The following TBC1D20 variants were observed in gnomAD, a reference collection of about 807,000 sequenced individuals.
TBC1D20 encodes chromosome 20 open reading frame 140.
TBC1D20 carries 12 observed loss-of-function variants against 41.6 expected under a neutral mutation model. The ratio of observed to expected loss-of-function variants is 0.29; its 90% CI spans 0.18 to 0.47. The LOEUF (loss-of-function observed/expected upper bound fraction) is 0.47. Among genes scored for constraint, TBC1D20 ranks in the 20% least tolerant of loss-of-function variants. The pLI, the probability that TBC1D20 is intolerant of heterozygous loss-of-function variation, is 1.00. For synonymous variants in TBC1D20, 205 were observed against 204.8 expected (o/e 1.00, Z -0.01); for missense variants, 421 against 517.4 (o/e 0.81, Z 1.81).
intron 1 of TBC1D20, among the ~76,000 whole-genome samples, chr20:456,643 C>T (rs542809145): frequency 4.9e-4 from 75 of 152,322 alleles, no homozygotes; most frequent in African/African-American, 1.7e-3. Context: ...CAGCTCACTG[C>T]AACCTCCACC....
chr20:444,696 G>A (rs2017299358), intron 3 of TBC1D20, among the ~76,000 whole-genome samples: 1 of 152,088 alleles, frequency 6.6e-6, no homozygotes, highest in Admixed American at 6.5e-5. Flanking sequence ...AGGTACCATC[G>A]TTTTTAAACC....
chr20:441,731 A>C (rs2017234660), intron 4 of TBC1D20, 42 bp from the exon 5 acceptor site: 1 of 1,605,366 alleles, frequency 6.2e-7, no homozygotes, highest in African/African-American at 1.3e-5. Context: ...CCAAACACTT[A>C]GATCAGGGCT....
intron 3 of TBC1D20, among the ~76,000 whole-genome samples, chr20:442,292 T>A (rs571359529): frequency 2.6e-5 from 4 of 152,308 alleles, no homozygotes; most frequent in Non-Finnish European, 5.9e-5. Flanking sequence ...TGGGACACAG[T>A]ATTTAACTGC....
At position 436,797 on chromosome 20, in the gene TBC1D20, T is replaced by C. The variant is rs2122374728; in HGVS notation, c.*1789A>G. ...GAGCCATGGACAATGATCCATCCCT[T>C]TGAGCTTTTTTTGGTTTTAAAGTGC... On this transcript the variant is annotated 3_prime_UTR_variant, in exon 8 of 8. Transcript: ENST00000354200. 1 of 153,904 alleles carries C rather than the reference T, an allele frequency of 6.5e-6. No homozygotes were observed. Among genetic ancestry groups the C allele is most frequent in the Non-Finnish European group, 1.5e-5 (1 of 68,074 alleles). 9.5% of individuals were successfully genotyped at this position (153,904 alleles called of 1,614,324 possible). A position where few individuals can be genotyped will look rare whatever the true frequency, so the allele number is the denominator to read the frequency against.
At chr20:454,200 A>C (rs959911061) in intron 1 of TBC1D20, among the ~76,000 whole-genome samples, 8 of 150,506 alleles carry the variant, frequency 5.3e-5, no homozygotes, top group African/African-American at 2.0e-4. Flanking sequence ...CTGAGATCAC[A>C]CCACTGCACT....
intron 1 of TBC1D20, among the ~76,000 whole-genome samples, chr20:455,341 A>C (rs2017521412): frequency 6.6e-6 from 1 of 152,120 alleles, no homozygotes; most frequent in South Asian, 2.1e-4. Context: ...TAAAAATAAA[A>C]CCCCTTCTGG....
chr20:461,928 T>G (rs749743053), intron 1 of TBC1D20, among the ~76,000 whole-genome samples: 3 of 152,200 alleles, frequency 2.0e-5, no homozygotes, highest in Non-Finnish European at 1.5e-5. Flanking sequence ...CGACGGTGAA[T>G]GCAGTTCGGG....
Position 438,537 on chromosome 20 carries a change from G to A in TBC1D20, c.*49C>T. 1.9e-6 allele frequency: 3 copies of A among 1,590,926 alleles called. No individual in the cohort carries two copies. The highest frequency in any genetic ancestry group is 1.1e-5 in the South Asian group (1 of 89,782). On this transcript the variant is annotated 3_prime_UTR_variant, in exon 8 of 8. Coordinates refer to ENST00000354200, the MANE Select transcript of TBC1D20 (RefSeq NM_144628.4). ...ATTCCACCCCTCCCAATCCTTCCATGGAAGGGTGAGACCTTAATGTGATGT... is the reference window on the plus strand; with the variant it reads ...ATTCCACCCCTCCCAATCCTTCCATAGAAGGGTGAGACCTTAATGTGATGT...
rs1180188442 is a variant in TBC1D20 at position 436,026 on chromosome 20, T to G, written c.*2560A>C. ...TATGGGAGTGATGAACCAGGAACTG[T>G]GGACAAAAACATCTACACACGTATA... On this transcript the variant is annotated 3_prime_UTR_variant, in exon 8 of 8. Transcript: ENST00000354200. The G allele has an allele frequency of 3.3e-5, 5 of 151,974 alleles. No homozygotes were observed. Among genetic ancestry groups the G allele is most frequent in the Non-Finnish European group, 7.4e-5 (5 of 68,004 alleles). The allele number at this position is 151,974 out of a possible 1,614,324, so 9.4% of individuals were successfully genotyped here.
intron 2 of TBC1D20, among the ~76,000 whole-genome samples, chr20:446,943 A>ATTTTT (rs35489596): frequency 1.2e-4 from 9 of 75,914 alleles, no homozygotes; most frequent in Non-Finnish European, 1.9e-4. Flanking sequence ...CAAAATACGC[A>ATTTTT]TTTTTTTTTT....
In TBC1D20 at chr20:462,448, G is replaced by A. The variant is rs1228548139; in HGVS notation, c.-43C>T. 2.6e-6 allele frequency: 3 copies of A among 1,138,250 alleles called. No homozygotes were observed. Among genetic ancestry groups the A allele is most frequent in the Non-Finnish European group, 3.3e-6 (3 of 905,978 alleles). The allele number at this position is 1,138,250 out of a possible 1,614,324, so 70.5% of individuals were successfully genotyped here. A position where few individuals can be genotyped will look rare whatever the true frequency, so the allele number is the denominator to read the frequency against. On this transcript the variant is annotated 5_prime_UTR_variant, in exon 1 of 8. Transcript: ENST00000354200. ...CCCCACCCGAGCCCCGGCTGGTGGC[G>A]GAGCCGGGAGAAGACGCGGCTCCGA...
intron 1 of TBC1D20, among the ~76,000 whole-genome samples, chr20:461,168 T>C (rs1405997181): frequency 6.6e-6 from 1 of 152,220 alleles, no homozygotes; most frequent in East Asian, 1.9e-4. Flanking sequence ...GGACTGGAAA[T>C]AGGGAAAGTC....
At chr20:448,184 G>T in intron 1 of TBC1D20, 110 bp from the exon 2 acceptor site, 1 of 681,350 alleles carries the variant, frequency 1.5e-6, no homozygotes, top group Non-Finnish European at 2.5e-6. Context: ...TCTCCTCTTA[G>T]CTCTAAGACT....
At chr20:449,052 G>C (rs1233999804) in intron 1 of TBC1D20, among the ~76,000 whole-genome samples, 1 of 150,368 alleles carries the variant, frequency 6.7e-6, no homozygotes, top group African/African-American at 2.4e-5. Context: ...TCACAACGTT[G>C]GCCAGGGTGG....
At chr20:449,490 G>T (rs2017405393) in intron 1 of TBC1D20, among the ~76,000 whole-genome samples, 1 of 86,266 alleles carries the variant, frequency 1.2e-5, no homozygotes, top group East Asian at 3.6e-4. Context: ...AGCTACTCGG[G>T]AGGCTGAGGC....
chr20:449,122 G>A (rs1244321405), intron 1 of TBC1D20, among the ~76,000 whole-genome samples: 1 of 146,152 alleles, frequency 6.8e-6, no homozygotes, highest in Non-Finnish European at 1.5e-5. Flanking sequence ...TAGGATTACA[G>A]GTGTGAGCCA....
intron 5 of TBC1D20, 169 bp from the exon 6 acceptor site, chr20:440,558 T>C: frequency 1.2e-6 from 1 of 858,572 alleles, no homozygotes. Context: ...ACAAAGTCTT[T>C]AAGGTGTACC....
chr20:439,314 GC>G lies in TBC1D20; in HGVS notation c.769-20del. ...ACACAATCTGTGGGGAGGTAGTAAA[GC>G]CTTGCAGTCAGAGGCCAGACACACA... On this transcript the variant is annotated intron_variant, in intron 6 of 7. Transcript: ENST00000354200. This position sits in a 1 kb window ranked among gnomAD's most constrained non-coding sequence, Gnocchi z 4.6. 1.9e-6 allele frequency: 3 copies of G among 1,583,414 alleles called. No homozygotes were observed. Among genetic ancestry groups the G allele is most frequent in the Non-Finnish European group, 2.6e-6 (3 of 1,163,674 alleles).
Position 453,500 on chromosome 20 carries a change from G to A in TBC1D20, c.71-5426C>T, listed in dbSNP as rs896651330. 5.1e-5 allele frequency among the ~76,000 whole-genome samples: 7 copies of A among 136,880 alleles called. No homozygotes were observed. The East Asian group carries it at 1.3e-3, about 26-fold the overall frequency. The allele number at this position is 136,880 out of a possible 152,430, so 89.8% of individuals were successfully genotyped here. A position where few individuals can be genotyped will look rare whatever the true frequency, so the allele number is the denominator to read the frequency against. On this transcript the variant is annotated intron_variant, in intron 1 of 7. Transcript: ENST00000354200. ...CCGTCTCAAAAACAACAACAACAAC[G>A]ACAGCAACCACGGACGGTGGCTCGT...
Sources: gnomAD v4.1 joint callset for allele counts (sites outside exome capture counted in the v4.1 genomes callset) on GRCh38, gnomAD v4.1.1 for gene constraint, Gnocchi (gnomAD v3.1) non-coding constraint, MANE v1.5 for transcripts, NCBI Gene and HGNC (gene_info 2026-07-23, HGNC 2026-07-21) for gene names.